PACRG: variants seen among roughly 807,000 people sequenced by gnomAD.
PACRG encodes parkin coregulated, also known as parkin coregulated gene protein.
PACRG carries 29 observed loss-of-function variants against 29.7 expected under a neutral mutation model. The observed-to-expected ratio is 0.98, with a 90% CI of 0.73 to 1.33. PACRG has a LOEUF of 1.33. PACRG is among the 40% of genes most tolerant of loss of function. The probability of loss-of-function intolerance (pLI) is 0.00; values close to 1 mark genes in which losing one functional copy is unlikely to be tolerated. For synonymous variants in PACRG, 116 were observed against 118.7 expected (o/e 0.98, Z 0.15); for missense variants, 279 against 316.2 (o/e 0.88, Z 0.89).
chr6:163,182,754 G>C (rs1779731603), intron 4 of PACRG: 1 of 152,154 alleles, frequency 6.6e-6, no homozygotes, highest in Non-Finnish European at 1.5e-5. Flanking sequence ...CAATTTTATA[G>C]ACAAGGAAAT....
intron 1 of PACRG, among the ~76,000 whole-genome samples, chr6:162,798,054 T>C (rs1785527055): frequency 6.6e-6 from 1 of 152,206 alleles, no homozygotes; most frequent in Non-Finnish European, 1.5e-5. Context: ...CTTTTAAATA[T>C]TGTTTTTCTT....
chr6:162,921,649 C>T (rs777037948), intron 2 of PACRG, among the ~76,000 whole-genome samples: 1 of 152,054 alleles, frequency 6.6e-6, no homozygotes, highest in Non-Finnish European at 1.5e-5. Flanking sequence ...TCCCCCTACC[C>T]CCATTTACTT....
intron 2 of PACRG, among the ~76,000 whole-genome samples, chr6:162,990,709 GTT>G (rs2128184762): frequency 7.6e-6 from 1 of 131,418 alleles, no homozygotes; most frequent in South Asian, 2.4e-4. Context: ...TCTGATGGTA[GTT>G]TCTTTTGCTG....
chr6:163,140,474 C>A (rs1416148925), intron 4 of PACRG, among the ~76,000 whole-genome samples: 1 of 152,180 alleles, frequency 6.6e-6, no homozygotes, highest in Non-Finnish European at 1.5e-5. Context: ...AAATAAAAAT[C>A]TGCTGCCAAT....
chr6:162,766,546 T>C (rs1782808277), intron 1 of PACRG, among the ~76,000 whole-genome samples: 1 of 152,216 alleles, frequency 6.6e-6, no homozygotes, highest in Non-Finnish European at 1.5e-5. Flanking sequence ...AATGTACTGA[T>C]TTGAGATCCT....
At chr6:163,136,282 CTGCTT>C (rs767973384) in intron 4 of PACRG, among the ~76,000 whole-genome samples, 9 of 152,166 alleles carry the variant, frequency 5.9e-5, no homozygotes, top group Non-Finnish European at 7.3e-5. Flanking sequence ...CATGTGTTTT[CTGCTT>C]TTCTTGTTTT....
chr6:163,122,919 A>G (rs1816357894), intron 4 of PACRG, among the ~76,000 whole-genome samples: 1 of 152,204 alleles, frequency 6.6e-6, no homozygotes, highest in Non-Finnish European at 1.5e-5. Context: ...TTAACATAAG[A>G]CTACTGATAC....
rs1039000328 is a variant in PACRG at position 162,903,463 on chromosome 6, A to G, written c.291+89182A>G. Among the ~76,000 whole-genome samples, 3 of 152,272 alleles carry G rather than the reference A, an allele frequency of 2.0e-5. No individual in the cohort carries two copies. The East Asian group carries it at 5.8e-4, about 29-fold the overall frequency. Reference sequence around the variant, plus strand: ...GACTCACAGTTCCATGTGGCTGGGGAGGCCTCACAATCATGGCAGAAGGTG... The same window carrying G: ...GACTCACAGTTCCATGTGGCTGGGGGGGCCTCACAATCATGGCAGAAGGTG... On this transcript the variant is annotated intron_variant, in intron 2 of 4. Coordinates refer to ENST00000366888, the MANE Select transcript of PACRG (RefSeq NM_001080379.2).
chr6:163,099,977 C>A (rs1814945423), intron 4 of PACRG, among the ~76,000 whole-genome samples: 1 of 152,104 alleles, frequency 6.6e-6, no homozygotes, highest in South Asian at 2.1e-4. Context: ...GGGCTCCGGG[C>A]TAGGAGCTCG....
chr6:163,280,981 G>A (rs1001291141), intron 4 of PACRG, among the ~76,000 whole-genome samples: 5 of 152,238 alleles, frequency 3.3e-5, no homozygotes, highest in Middle Eastern at 3.4e-3. Flanking sequence ...ACCAAGGAGG[G>A]AATGGAAGAG....
chr6:162,972,675 T>C (rs1462719861), intron 2 of PACRG, among the ~76,000 whole-genome samples: 1 of 152,162 alleles, frequency 6.6e-6, no homozygotes, highest in Non-Finnish European at 1.5e-5. Flanking sequence ...GTCTCCCATA[T>C]TGAAAGACGA....
chr6:162,985,407 A>T (rs1356496888), intron 2 of PACRG, among the ~76,000 whole-genome samples: 1 of 152,128 alleles, frequency 6.6e-6, no homozygotes, highest in African/African-American at 2.4e-5. Context: ...TAACGTACAT[A>T]AGTCAGTAAC....
At chr6:163,173,551 C>T (rs1779197463) in intron 4 of PACRG, among the ~76,000 whole-genome samples, 1 of 152,160 alleles carries the variant, frequency 6.6e-6, no homozygotes, top group South Asian at 2.1e-4. Context: ...TGGCTTGAGG[C>T]TTTTGAGCCC....
chr6:162,839,959 G>A (rs1352653656), intron 2 of PACRG, among the ~76,000 whole-genome samples: 1 of 131,166 alleles, frequency 7.6e-6, no homozygotes, highest in Admixed American at 7.9e-5. Context: ...CTATATCTCT[G>A]TTTTGGTACC....
chr6:163,123,220 C>G (rs918841175), intron 4 of PACRG, among the ~76,000 whole-genome samples: 1 of 152,214 alleles, frequency 6.6e-6, no homozygotes, highest in Non-Finnish European at 1.5e-5. Context: ...CCAACCTGGT[C>G]CTCCCACCCT....
At chr6:163,310,960 G>A (rs1223631260) in intron 4 of PACRG, 1 of 152,222 alleles carries the variant, frequency 6.6e-6, no homozygotes, top group Non-Finnish European at 1.5e-5. Flanking sequence ...ATAGACACGT[G>A]CGTCCTAGTT....
intron 4 of PACRG, among the ~76,000 whole-genome samples, chr6:163,113,883 C>G (rs577052707): frequency 6.6e-6 from 1 of 152,194 alleles, no homozygotes; most frequent in East Asian, 1.9e-4. Flanking sequence ...GTGTGTAACT[C>G]CACATTTTGT....
At chr6:162,829,331 T>C (rs1461312180) in intron 2 of PACRG, among the ~76,000 whole-genome samples, 1 of 152,210 alleles carries the variant, frequency 6.6e-6, no homozygotes, top group East Asian at 1.9e-4. Context: ...TACAAATATA[T>C]AAAAGTTTCT....
At chr6:162,834,296 T>G (rs1048459168) in intron 2 of PACRG, among the ~76,000 whole-genome samples, 4 of 152,228 alleles carry the variant, frequency 2.6e-5, no homozygotes, top group Admixed American at 2.0e-4. Context: ...TACATATAAT[T>G]TAATTAGACA....
Sources: allele counts gnomAD v4.1 joint callset (sites outside exome capture counted in the v4.1 genomes callset), GRCh38; gene constraint gnomAD v4.1.1; transcripts MANE v1.5; gene names NCBI Gene and HGNC (gene_info 2026-07-23, HGNC 2026-07-21).